The following MACROD2 variants were observed in gnomAD, a reference collection of about 807,000 sequenced individuals.
The protein encoded by MACROD2 is ADP-ribose glycohydrolase MACROD2.
A neutral mutation model predicts 70.4 loss-of-function variants in MACROD2; 36 were observed. The observed-to-expected ratio is 0.51, with a 90% CI of 0.39 to 0.68. MACROD2 has a LOEUF of 0.68. Among genes scored for constraint, MACROD2 ranks in the 30% least tolerant of loss-of-function variants. MACROD2 has a pLI of 0.00. For synonymous variants in MACROD2, 172 were observed against 178.8 expected, an observed-to-expected ratio of 0.96 and a Z score of 0.30; for missense variants, 496 against 538.4, an observed-to-expected ratio of 0.92 and a Z score of 0.78.
intron 6 of MACROD2, among the ~76,000 whole-genome samples, chr20:15,235,881 T>C (rs1418050110): frequency 1.3e-5 from 2 of 152,184 alleles, no homozygotes; most frequent in Non-Finnish European, 2.9e-5. Context: ...TACAGGGCTG[T>C]CAATTTGATC....
chr20:14,244,261 C>T (rs537583779), intron 3 of MACROD2, among the ~76,000 whole-genome samples: 1 of 152,172 alleles, frequency 6.6e-6, no homozygotes, highest in East Asian at 1.9e-4. Context: ...GCCCATGGCA[C>T]CTCTTAACCT....
intron 5 of MACROD2, among the ~76,000 whole-genome samples, chr20:14,932,147 A>G (rs1160660826): frequency 6.6e-6 from 1 of 151,996 alleles, no homozygotes; most frequent in Admixed American, 6.6e-5. Context: ...GGGTGGGCAA[A>G]CTCCCTATTA....
chr20:15,913,753 G>GTGT (rs1217815824), intron 10 of MACROD2, among the ~76,000 whole-genome samples: 1 of 152,120 alleles, frequency 6.6e-6, no homozygotes, highest in African/African-American at 2.4e-5. Flanking sequence ...AGCAGACAGT[G>GTGT]TGTTATAAAA....
intron 6 of MACROD2, among the ~76,000 whole-genome samples, chr20:15,411,098 G>A (rs1463491251): frequency 1.3e-5 from 2 of 150,044 alleles, no homozygotes; most frequent in African/African-American, 4.9e-5. Context: ...TGGAGGGTGA[G>A]TACCTGATTA....
intron 4 of MACROD2, among the ~76,000 whole-genome samples, chr20:14,505,551 A>G (rs1196873729): frequency 2.0e-5 from 3 of 152,212 alleles, no homozygotes; most frequent in Non-Finnish European, 4.4e-5. Context: ...ACTCTATTAC[A>G]AGTATTATCT....
At chr20:15,062,845 C>T (rs1368603462) in intron 5 of MACROD2, among the ~76,000 whole-genome samples, 2 of 152,130 alleles carry the variant, frequency 1.3e-5, no homozygotes, top group Non-Finnish European at 2.9e-5. Context: ...GTGATGGTTC[C>T]TGCCTTAGCT....
intron 8 of MACROD2, among the ~76,000 whole-genome samples, chr20:15,677,313 T>A (rs2146849160): frequency 6.6e-6 from 1 of 152,172 alleles, no homozygotes; most frequent in South Asian, 2.1e-4. Flanking sequence ...AGAGGGCAAC[T>A]CCAATGAGAC....
chr20:15,551,366 C>A (rs1358984389), intron 8 of MACROD2, among the ~76,000 whole-genome samples: 1 of 149,884 alleles, frequency 6.7e-6, no homozygotes, highest in African/African-American at 2.5e-5. Flanking sequence ...CATCTCTTGT[C>A]TTTTGTCACC....
chr20:16,021,309 C>T (rs1348418100), intron 15 of MACROD2, among the ~76,000 whole-genome samples: 1 of 152,214 alleles, frequency 6.6e-6, no homozygotes, highest in Non-Finnish European at 1.5e-5. Context: ...ACTGCCATCT[C>T]TCCCTCTCTA....
At chr20:14,471,315 C>A (rs1449553616) in intron 3 of MACROD2, among the ~76,000 whole-genome samples, 1 of 152,186 alleles carries the variant, frequency 6.6e-6, no homozygotes, top group African/African-American at 2.4e-5. Context: ...CTGAAATCAC[C>A]CGCCTTCTAC....
chr20:14,789,668 G>C (rs2072425617), intron 5 of MACROD2, among the ~76,000 whole-genome samples: 1 of 151,228 alleles, frequency 6.6e-6, no homozygotes, highest in Non-Finnish European at 1.5e-5. Context: ...TAGAAGCGAG[G>C]TTTCACTATG....
chr20:14,486,364 C>T (rs1475134712), intron 3 of MACROD2, among the ~76,000 whole-genome samples: 1 of 152,084 alleles, frequency 6.6e-6, no homozygotes, highest in Non-Finnish European at 1.5e-5. Flanking sequence ...CAGGGCTCCC[C>T]ACTGACTGAA....
At chr20:16,031,961 G>A (rs2067157726) in intron 15 of MACROD2, among the ~76,000 whole-genome samples, 1 of 151,992 alleles carries the variant, frequency 6.6e-6, no homozygotes, top group Non-Finnish European at 1.5e-5. Context: ...TTCTGGGAAG[G>A]TAATAGGAAC....
At chr20:14,897,785 T>C (rs931502368) in intron 5 of MACROD2, among the ~76,000 whole-genome samples, 19 of 152,198 alleles carry the variant, frequency 1.2e-4, no homozygotes, top group Admixed American at 1.1e-3. Context: ...TTCTGGAGGC[T>C]GGGAAGTCCA....
rs151252879 is a variant in MACROD2 at position 14,471,518 on chromosome 20, A to G, written c.272-21961A>G. On this transcript the variant is annotated intron_variant, in intron 3 of 17. Transcript: ENST00000684519. Reference sequence around the variant, plus strand: ...TAGAGGGTTCCTAGGGGCATTATTAACATTTAGAATGATGTCTCTAAGTAG... The same window carrying G: ...TAGAGGGTTCCTAGGGGCATTATTAGCATTTAGAATGATGTCTCTAAGTAG... Among the ~76,000 whole-genome samples the G allele has an allele frequency of 3.0e-3, 459 of 152,296 alleles. 4 individuals are homozygous for G. The highest frequency in any genetic ancestry group is 0.011 in the African/African-American group (437 of 41,552).
chr20:14,873,491 C>T (rs756640271), intron 5 of MACROD2, among the ~76,000 whole-genome samples: 5 of 152,124 alleles, frequency 3.3e-5, no homozygotes, highest in Non-Finnish European at 7.3e-5. Context: ...AAATGGAATG[C>T]TCCAGACTCA....
intron 5 of MACROD2, among the ~76,000 whole-genome samples, chr20:14,973,894 A>AG (rs2074714431): frequency 6.6e-6 from 1 of 152,194 alleles, no homozygotes; most frequent in South Asian, 2.1e-4. Flanking sequence ...ACCTTATGAA[A>AG]GGTAAAGTGA....
intron 8 of MACROD2, among the ~76,000 whole-genome samples, chr20:15,585,873 C>T (rs1241571599): frequency 3.3e-5 from 5 of 152,038 alleles, no homozygotes; most frequent in Admixed American, 1.3e-4. Flanking sequence ...TACCAAAACC[C>T]GTCACACTAT....
chr20:14,594,785 G>A (rs542543982), intron 4 of MACROD2, among the ~76,000 whole-genome samples: 57 of 152,222 alleles, frequency 3.7e-4, no homozygotes, highest in Admixed American at 1.4e-3. Context: ...CCAGATACTC[G>A]GGATGCTGAG....
Sources: gnomAD v4.1 joint callset for allele counts (sites outside exome capture counted in the v4.1 genomes callset) on GRCh38, gnomAD v4.1.1 for gene constraint, MANE v1.5 for transcripts, NCBI Gene and HGNC (gene_info 2026-07-23, HGNC 2026-07-21) for gene names.